Variants in RILPL1 observed in about 807,000 individuals in gnomAD.
RILPL1 encodes RILP-like protein 1.
RILPL1 carries 33 observed loss-of-function variants against 50.3 expected under a neutral mutation model. The observed-to-expected ratio is 0.66, with a 90% CI of 0.50 to 0.88. The LOEUF (loss-of-function observed/expected upper bound fraction) is 0.88. RILPL1 is among the 40% of genes least tolerant of loss of function. The pLI, the probability that RILPL1 is intolerant of heterozygous loss-of-function variation, is 0.00. For missense variants in RILPL1, 418 were observed against 542.5 expected, an observed-to-expected ratio of 0.77 and a Z score of 2.28; for synonymous variants, 205 against 228.6, an observed-to-expected ratio of 0.90 and a Z score of 0.93.
chr12:123,503,473 T>C (rs2139347216), intron 2 of RILPL1, among the ~76,000 whole-genome samples: 1 of 151,938 alleles, frequency 6.6e-6, no homozygotes, highest in Admixed American at 6.6e-5. Context: ...AGCAATGGGA[T>C]TATATAGGCA....
intron 5 of RILPL1, 73 bp from the exon 6 acceptor site, chr12:123,484,345 G>C: frequency 1.0e-6 from 1 of 994,482 alleles, no homozygotes; most frequent in Non-Finnish European, 1.6e-6. Context: ...CAGAAGAGAA[G>C]TGTCTGATGG....
chr12:123,517,442 T>G (rs1257753476), intron 2 of RILPL1, among the ~76,000 whole-genome samples: 3 of 127,018 alleles, frequency 2.4e-5, no homozygotes, highest in Non-Finnish European at 4.9e-5. Flanking sequence ...TTTTTTTTTT[T>G]GCGAGTCTCG....
chr12:123,489,074 TCTC>T lies in RILPL1; in HGVS notation c.802-3272_802-3270del, dbSNP rs1458865637. 6.6e-6 allele frequency among the ~76,000 whole-genome samples: 1 copy of T among 152,034 alleles called. No individual in the cohort carries two copies. The highest frequency in any genetic ancestry group is 2.4e-5 in the African/African-American group (1 of 41,394). ...GCGGCCGGCATTCAATCGCGCCAGTTCTCCTCTTTCCCTGGCCCAGCTTCACCA... is the reference window on the plus strand; with the variant it reads ...GCGGCCGGCATTCAATCGCGCCAGTTCTCTTTCCCTGGCCCAGCTTCACCA... On this transcript the variant is annotated intron_variant, in intron 4 of 6. Transcript: ENST00000376874. The surrounding 1 kb of genome is among the most constrained non-coding windows in gnomAD (Gnocchi z 4.0).
chr12:123,516,121 A>AG lies in RILPL1; in HGVS notation c.460+7373dup, dbSNP rs1884682267. 3.3e-5 allele frequency among the ~76,000 whole-genome samples: 5 copies of AG among 149,906 alleles called. No homozygotes were observed. The Admixed American group carries it at 3.3e-4, about 10-fold the overall frequency. On this transcript the variant is annotated intron_variant, in intron 2 of 6. Transcript: ENST00000376874. ...CACTGCTAGTTAGTGGTCATGTAGGAGCTGTAATCTGGGTCTCTTCATATC... is the reference window on the plus strand; with the variant it reads ...CACTGCTAGTTAGTGGTCATGTAGGAGGCTGTAATCTGGGTCTCTTCATATC...
In RILPL1 at chr12:123,522,295, C is replaced by T. The variant is rs2063629; in HGVS notation, c.460+1200G>A. On this transcript the variant is annotated intron_variant, in intron 2 of 6. Transcript: ENST00000376874. This position sits in a 1 kb window ranked among gnomAD's most constrained non-coding sequence, Gnocchi z 4.0. ...AGGGCTGAGCAGAGCAGATGCCGCCCACAGCCCCGCCTGGCCCGAATCTTG... is the reference window on the plus strand; with the variant it reads ...AGGGCTGAGCAGAGCAGATGCCGCCTACAGCCCCGCCTGGCCCGAATCTTG... Among the ~76,000 whole-genome samples the T allele has an allele frequency of 0.8, 122,114 of 152,000 alleles. 49,625 individuals are homozygous for T. The highest frequency in any genetic ancestry group is 0.91 in the East Asian group (4,701 of 5,160).
At chr12:123,521,578 C>T (rs185288533) in intron 2 of RILPL1, among the ~76,000 whole-genome samples, 236 of 4,274 alleles carry the variant, frequency 0.055, 2 homozygotes, top group South Asian at 0.2. Context: ...TATATACACA[C>T]ATATGTGTAT....
At chr12:123,499,795 C>A (rs564887131) in intron 2 of RILPL1, among the ~76,000 whole-genome samples, 1 of 152,122 alleles carries the variant, frequency 6.6e-6, no homozygotes, top group Admixed American at 6.5e-5. Context: ...CTGTGGCTGG[C>A]GCGCTTCATT....
At position 123,489,068 on chromosome 12, in the gene RILPL1, G is replaced by A. The variant is rs146768897; in HGVS notation, c.802-3263C>T. Among the ~76,000 whole-genome samples the A allele has an allele frequency of 4.0e-3, 609 of 152,170 alleles. 1 individual carries two copies. The highest frequency in any genetic ancestry group is 6.9e-3 in the Non-Finnish European group (467 of 68,004). On this transcript the variant is annotated intron_variant, in intron 4 of 6. Coordinates refer to ENST00000376874, the MANE Select transcript of RILPL1 (RefSeq NM_178314.5). The surrounding 1 kb of genome is among the most constrained non-coding windows in gnomAD (Gnocchi z 4.0). ...GGATATGCGGCCGGCATTCAATCGC[G>A]CCAGTTCTCCTCTTTCCCTGGCCCA...
At chr12:123,473,131 A>G in intron 6 of RILPL1, 1 of 173,854 alleles carries the variant, frequency 5.8e-6, no homozygotes, top group Non-Finnish European at 1.3e-5. Flanking sequence ...GTATTTGTTT[A>G]ATGTCAGTCA....
intron 2 of RILPL1, among the ~76,000 whole-genome samples, chr12:123,506,520 G>A (rs1432955016): frequency 1.3e-5 from 2 of 152,138 alleles, no homozygotes; most frequent in African/African-American, 2.4e-5. Context: ...TCCTCTGTAT[G>A]CACATGACAT....
In RILPL1 at chr12:123,489,975, G is replaced by T. The variant is rs533652268; in HGVS notation, c.802-4170C>A. The stretch of plus-strand genomic sequence containing the variant: ...ATTTTGGGCTTCCTGTGGAAAGTGC[G>T]CTGGAAGATCAGGCCCCACTGGCAA... On this transcript the variant is annotated intron_variant, in intron 4 of 6. Coordinates refer to ENST00000376874, the MANE Select transcript of RILPL1 (RefSeq NM_178314.5). This position sits in a 1 kb window ranked among gnomAD's most constrained non-coding sequence, Gnocchi z 4.0. Among the ~76,000 whole-genome samples the T allele has an allele frequency of 7.2e-5, 11 of 152,114 alleles. No homozygotes were observed. Among genetic ancestry groups the T allele is most frequent in the Non-Finnish European group, 1.5e-4 (10 of 68,022 alleles).
intron 4 of RILPL1, among the ~76,000 whole-genome samples, chr12:123,490,584 T>G (rs1317963916): frequency 6.6e-6 from 1 of 152,076 alleles, no homozygotes; most frequent in Admixed American, 6.6e-5. Flanking sequence ...CAAAAGTCCT[T>G]ACTCTCTTTT....
At chr12:123,495,332 T>C (rs899966038) in intron 4 of RILPL1, among the ~76,000 whole-genome samples, 1 of 152,028 alleles carries the variant, frequency 6.6e-6, no homozygotes, top group Non-Finnish European at 1.5e-5. Context: ...CCCTAAGAGC[T>C]TTTAGTTACA....
chr12:123,484,252 T>G lies in RILPL1; in HGVS notation c.995A>C (p.Asn332Thr). The G allele has an allele frequency of 1.9e-6, 3 of 1,609,470 alleles. No individual in the cohort carries two copies. The change falls in exon 6 of 7, where the codon AAC becomes ACC. Residue 332 changes from asparagine (N) to threonine (T), a missense_variant. By Grantham distance (65) the Asn-to-Thr change is moderately conservative. Transcript: ENST00000376874. Reference sequence around the variant, plus strand: ...GATGGGTGGGGGTTGGGGTATTCGGTTTTCCTCTTCCATTTCTTCACTGGA... The same window carrying G: ...GATGGGTGGGGGTTGGGGTATTCGGGTTTCCTCTTCCATTTCTTCACTGGA... ...YYKSEEMEEE[N>T]RIPQPPPIAH...
intron 2 of RILPL1, among the ~76,000 whole-genome samples, chr12:123,512,749 GTGTGTGTGGTA>G (rs1884426461): frequency 6.8e-6 from 1 of 146,550 alleles, no homozygotes; most frequent in East Asian, 2.1e-4. Context: ...AAGTTTGTGT[GTGTGTGTGGTA>G]TGTGTGAGGT....
At chr12:123,495,133 G>A (rs1882944143) in intron 4 of RILPL1, among the ~76,000 whole-genome samples, 1 of 152,122 alleles carries the variant, frequency 6.6e-6, no homozygotes, top group African/African-American at 2.4e-5. Context: ...GGCTTTTGCT[G>A]GGACTCTAGG....
In RILPL1 at chr12:123,499,795, C is replaced by G. The variant is rs564887131; in HGVS notation, c.461-259G>C. On this transcript the variant is annotated intron_variant, in intron 2 of 6. Coordinates refer to ENST00000376874, the MANE Select transcript of RILPL1 (RefSeq NM_178314.5). ...TTCCTTCTCATCTCCCTGTGGCTGG[C>G]GCGCTTCATTTTTCAGGCCTCAGCC... Among the ~76,000 whole-genome samples, 432 of 152,122 alleles carry G rather than the reference C, an allele frequency of 2.8e-3. 5 individuals are homozygous for G. The highest frequency in any genetic ancestry group is 4.5e-3 in the Non-Finnish European group (307 of 67,984).
intron 1 of RILPL1, among the ~76,000 whole-genome samples, chr12:123,526,753 G>A (rs980596613): frequency 1.3e-5 from 2 of 152,316 alleles, no homozygotes; most frequent in East Asian, 1.9e-4. Flanking sequence ...GGTCACCAGG[G>A]GAGGTGAAGG....
chr12:123,482,620 C>CTT (rs1203812533), intron 6 of RILPL1, among the ~76,000 whole-genome samples: 62 of 139,938 alleles, frequency 4.4e-4, no homozygotes, highest in African/African-American at 1.4e-3. Context: ...CTCTCTCTCT[C>CTT]TTTTTTTTTT....
Sources: gnomAD v4.1 joint callset for allele counts (sites outside exome capture counted in the v4.1 genomes callset) on GRCh38, gnomAD v4.1.1 for gene constraint, Gnocchi (gnomAD v3.1) non-coding constraint, MANE v1.5 for transcripts, NCBI Gene and HGNC (gene_info 2026-07-23, HGNC 2026-07-21) for gene names.